Variants in ASXL3 observed in about 807,000 individuals in gnomAD.
The protein encoded by ASXL3 is ASXL transcriptional regulator 3.
A neutral mutation model predicts 170.6 loss-of-function variants in ASXL3; 34 were observed. The observed-to-expected ratio is 0.20, with a 90% CI of 0.15 to 0.27. The LOEUF is 0.27. Ranked by LOEUF, ASXL3 falls within the 10% of genes least tolerant of loss-of-function variation. The pLI, the probability that ASXL3 is intolerant of heterozygous loss-of-function variation, is 1.00. For missense variants in ASXL3, 2,592 were observed against 2,695.3 expected (o/e 0.96, Z 0.85); for synonymous variants, 1,002 against 989.1 (o/e 1.01, Z -0.24).
intron 8 of ASXL3, among the ~76,000 whole-genome samples, chr18:33,693,680 C>T (rs1402687020): frequency 6.6e-6 from 1 of 152,050 alleles, no homozygotes; most frequent in East Asian, 1.9e-4. Context: ...GAAGAGATGG[C>T]AGTGGACAAA....
At chr18:33,618,311 G>T (rs1380231320) in intron 2 of ASXL3, among the ~76,000 whole-genome samples, 2 of 151,876 alleles carry the variant, frequency 1.3e-5, no homozygotes, top group East Asian at 1.9e-4. Flanking sequence ...AAAAGTTAAG[G>T]CCTGTGCTGG....
At chr18:33,689,113 C>A (rs1034693926) in intron 8 of ASXL3, among the ~76,000 whole-genome samples, 1 of 152,096 alleles carries the variant, frequency 6.6e-6, no homozygotes. Context: ...CCTGCCTCAG[C>A]CTCCCGAGTA....
At chr18:33,579,923 C>G (rs1229856516) in intron 1 of ASXL3, among the ~76,000 whole-genome samples, 1 of 152,138 alleles carries the variant, frequency 6.6e-6, no homozygotes, top group East Asian at 1.9e-4. Flanking sequence ...ACATTATGCT[C>G]AAGGAGAACA....
intron 8 of ASXL3, among the ~76,000 whole-genome samples, chr18:33,702,744 G>A (rs1400649221): frequency 6.6e-6 from 1 of 151,964 alleles, no homozygotes; most frequent in Non-Finnish European, 1.5e-5. Context: ...AATTATATTA[G>A]GTTTTCAATG....
chr18:33,706,366 C>T (rs1292436883), intron 8 of ASXL3, among the ~76,000 whole-genome samples: 1 of 151,620 alleles, frequency 6.6e-6, no homozygotes, highest in African/African-American at 2.4e-5. Flanking sequence ...AGATATATGA[C>T]TACAAGTCTA....
chr18:33,581,776 G>A (rs537271170), intron 1 of ASXL3, among the ~76,000 whole-genome samples: 2 of 152,264 alleles, frequency 1.3e-5, no homozygotes, highest in South Asian at 4.1e-4. Flanking sequence ...CTATCAAGCT[G>A]TATCATTTTC....
intron 8 of ASXL3, among the ~76,000 whole-genome samples, chr18:33,730,167 GT>G (rs1599552511): frequency 6.6e-6 from 1 of 152,080 alleles, no homozygotes; most frequent in African/African-American, 2.4e-5. Flanking sequence ...TTGATAGGGA[GT>G]TGCTCCTGGG....
chr18:33,705,899 C>T lies in ASXL3; in HGVS notation c.879+22331C>T, dbSNP rs181871214. Among the ~76,000 whole-genome samples, 33 of 151,838 alleles carry T rather than the reference C, an allele frequency of 2.2e-4. No individual in the cohort carries two copies. The East Asian group carries it at 5.0e-3, about 23-fold the overall frequency. ...CTAGCATTTTGGAAACTCCCGTTGC[C>T]GTTTTAGTTAATACCCACACAAAAG... On this transcript the variant is annotated intron_variant, in intron 8 of 11. Transcript: ENST00000269197.
At chr18:33,709,555 T>C (rs1319744227) in intron 8 of ASXL3, among the ~76,000 whole-genome samples, 1 of 152,158 alleles carries the variant, frequency 6.6e-6, no homozygotes, top group East Asian at 1.9e-4. Context: ...TGTAATTCCA[T>C]TTTTATAAAG....
intron 4 of ASXL3, among the ~76,000 whole-genome samples, chr18:33,657,815 T>C (rs2066107960): frequency 6.6e-6 from 1 of 152,118 alleles, no homozygotes; most frequent in Non-Finnish European, 1.5e-5. Flanking sequence ...TTAACTATGC[T>C]TTTGGCTTGC....
chr18:33,713,348 C>A lies in ASXL3; in HGVS notation c.880-18620C>A, dbSNP rs867131739. Reference sequence around the variant, plus strand: ...TGGCTCACTGCAACCTCCACCCCCCCCCGGGTTCAAGTGATTCTCCTGCCT... The same window carrying A: ...TGGCTCACTGCAACCTCCACCCCCCACCGGGTTCAAGTGATTCTCCTGCCT... On this transcript the variant is annotated intron_variant, in intron 8 of 11. Coordinates refer to ENST00000269197, the MANE Select transcript of ASXL3 (RefSeq NM_030632.3). 2.3e-4 allele frequency among the ~76,000 whole-genome samples: 33 copies of A among 143,810 alleles called. 1 individual carries two copies. The highest frequency in any genetic ancestry group is 7.1e-4 in the African/African-American group (27 of 38,140). The allele number at this position is 143,810 out of a possible 152,430, so 94.3% of individuals were successfully genotyped here. A position where few individuals can be genotyped will look rare whatever the true frequency, so the allele number is the denominator to read the frequency against.
chr18:33,605,316 T>G (rs1051840115), intron 1 of ASXL3: 5 of 152,066 alleles, frequency 3.3e-5, no homozygotes, highest in Admixed American at 3.3e-4. Flanking sequence ...GGCATCAATG[T>G]TTTGTTCTGT....
At position 33,682,519 on chromosome 18, in the gene ASXL3, T is replaced by C. The variant is rs182712467; in HGVS notation, c.716-886T>C. 8.5e-5 allele frequency among the ~76,000 whole-genome samples: 13 copies of C among 152,218 alleles called. No individual in the cohort carries two copies. The East Asian group carries it at 2.5e-3, about 29-fold the overall frequency. On this transcript the variant is annotated intron_variant, in intron 7 of 11. Coordinates refer to ENST00000269197, the MANE Select transcript of ASXL3 (RefSeq NM_030632.3). ...TTGTGGAATCATCCTGCAGAGCATA[T>C]TTGCATTTCAGACCTAGTGGCTAAT...
At chr18:33,652,057 G>A (rs751920818) in intron 4 of ASXL3, among the ~76,000 whole-genome samples, 7 of 152,064 alleles carry the variant, frequency 4.6e-5, no homozygotes, top group African/African-American at 1.7e-4. Context: ...AAGCTTTAGA[G>A]ATCAAAGAAT....
intron 2 of ASXL3, among the ~76,000 whole-genome samples, chr18:33,619,739 A>G (rs2065480489): frequency 6.6e-6 from 1 of 152,122 alleles, no homozygotes; most frequent in Non-Finnish European, 1.5e-5. Flanking sequence ...CTAACCTACT[A>G]GTCAAATCAT....
chr18:33,695,649 C>T (rs2066761613), intron 8 of ASXL3, among the ~76,000 whole-genome samples: 1 of 152,112 alleles, frequency 6.6e-6, no homozygotes, highest in African/African-American at 2.4e-5. Flanking sequence ...GGCAATCTAA[C>T]TTACAGAGCT....
Position 33,578,677 on chromosome 18 carries a change from G to A in ASXL3, c.46G>A (p.Ala16Thr), listed in dbSNP as rs2145082927. 7.5e-7 allele frequency: 1 copy of A among 1,339,224 alleles called. No individual in the cohort carries two copies. The highest frequency in any genetic ancestry group is 3.9e-5 in the East Asian group (1 of 25,606). 83.0% of individuals were successfully genotyped at this position (1,339,224 alleles called of 1,614,324 possible). A position where few individuals can be genotyped will look rare whatever the true frequency, so the allele number is the denominator to read the frequency against. Reference protein sequence around the residue: ...KKKDRTWAEAARLALEKHPNS... With the variant: ...KKKDRTWAEATRLALEKHPNS... ...GAAGGACCGCACCTGGGCCGAGGCT[G>A]CCCGCCTGGTACGTACCGCCCCCCA... The change falls in exon 1 of 12, where the codon GCC (alanine) becomes ACC (threonine). Residue 16 changes from alanine (A) to threonine (T), a missense_variant. By Grantham distance (58) the Ala-to-Thr change is moderately conservative. Around this residue, in one of 4 missense-constraint regions of ASXL3, gnomAD observed 251 missense variants for 281.9 expected, o/e 0.89. Transcript: ENST00000269197.
chr18:33,718,066 C>T (rs560059892), intron 8 of ASXL3, among the ~76,000 whole-genome samples: 1 of 152,068 alleles, frequency 6.6e-6, no homozygotes, highest in African/African-American at 2.4e-5. Flanking sequence ...TACTCCCTAA[C>T]AAAAGTATCA....
At position 33,598,429 on chromosome 18, in the gene ASXL3, A is replaced by T. The variant is rs889300608; in HGVS notation, c.55-9165A>T. On this transcript the variant is annotated intron_variant, in intron 1 of 11. Transcript: ENST00000269197. ...CATTGCCCCCCAGTGCCTCTGTATAAAAATGTCTATGTGAGACACTTCTCT... is the reference window on the plus strand; with the variant it reads ...CATTGCCCCCCAGTGCCTCTGTATATAAATGTCTATGTGAGACACTTCTCT... Among the ~76,000 whole-genome samples the T allele has an allele frequency of 1.1e-4, 17 of 152,268 alleles. No homozygotes were observed. In the East Asian group the frequency reaches 1.5e-3, roughly 14 times the overall value.
Sources: allele counts gnomAD v4.1 joint callset (sites outside exome capture counted in the v4.1 genomes callset), GRCh38; gene constraint gnomAD v4.1.1; regional missense constraint gnomAD v4.1.1; transcripts MANE v1.5; gene names NCBI Gene and HGNC (gene_info 2026-07-23, HGNC 2026-07-21).